KCNB2: variants seen among roughly 807,000 people sequenced by gnomAD.
KCNB2 encodes the protein delayed rectifier potassium channel protein.
A neutral mutation model predicts 61.5 loss-of-function variants in KCNB2; 15 were observed. The observed-to-expected ratio is 0.24, with a 90% confidence interval of 0.16 to 0.38. The LOEUF is 0.38. Ranked by LOEUF, KCNB2 falls within the 10% of genes least tolerant of loss-of-function variation. The pLI is 1.00. For synonymous variants in KCNB2, 457 were observed against 446.0 expected (o/e 1.02, Z -0.31); for missense variants, 828 against 1,125.2 (o/e 0.74, Z 3.78).
chr8:72,868,790 G>C (rs1013534453), intron 2 of KCNB2, among the ~76,000 whole-genome samples: 6 of 152,092 alleles, frequency 3.9e-5, no homozygotes, highest in Non-Finnish European at 7.4e-5. Flanking sequence ...ACTCAAAATA[G>C]AGAAAAATGG....
At chr8:72,678,564 C>T (rs1806701310) in intron 2 of KCNB2, among the ~76,000 whole-genome samples, 1 of 152,206 alleles carries the variant, frequency 6.6e-6, no homozygotes, top group African/African-American at 2.4e-5. Flanking sequence ...TGGCTCACTT[C>T]CTCATTCCCT....
At chr8:72,861,754 T>C (rs1805418668) in intron 2 of KCNB2, among the ~76,000 whole-genome samples, 1 of 152,156 alleles carries the variant, frequency 6.6e-6, no homozygotes, top group Admixed American at 6.5e-5. Context: ...ATTGATCTTG[T>C]TAAAATTAAT....
chr8:72,793,481 A>C (rs1203615556), intron 2 of KCNB2, among the ~76,000 whole-genome samples: 1 of 152,200 alleles, frequency 6.6e-6, no homozygotes, highest in African/African-American at 2.4e-5. Context: ...AATACCACGA[A>C]GGAAAGCAAG....
chr8:72,591,331 G>A (rs75605273), intron 2 of KCNB2, among the ~76,000 whole-genome samples: 1 of 152,050 alleles, frequency 6.6e-6, no homozygotes, highest in East Asian at 1.9e-4. Flanking sequence ...GCATCCAATA[G>A]GATATTAATT....
intron 2 of KCNB2, among the ~76,000 whole-genome samples, chr8:72,627,682 C>A (rs1805811165): frequency 6.6e-6 from 1 of 152,182 alleles, no homozygotes; most frequent in Non-Finnish European, 1.5e-5. Context: ...CCAGCTACCT[C>A]TGCTCACCAT....
At chr8:72,742,829 A>G (rs1270376589) in intron 2 of KCNB2, among the ~76,000 whole-genome samples, 1 of 152,162 alleles carries the variant, frequency 6.6e-6, no homozygotes, top group Non-Finnish European at 1.5e-5. Flanking sequence ...GACTTTACCC[A>G]TGACGTCTGA....
At chr8:72,561,731 A>ATATGTGTG (rs1806525887) in intron 1 of KCNB2, among the ~76,000 whole-genome samples, 4 of 21,358 alleles carry the variant, frequency 1.9e-4, no homozygotes, top group Admixed American at 7.3e-4. Context: ...ATATATATCT[A>ATATGTGTG]TATCTATATA....
chr8:72,641,770 GT>G (rs1317170003), intron 2 of KCNB2, among the ~76,000 whole-genome samples: 1 of 152,064 alleles, frequency 6.6e-6, no homozygotes, highest in Non-Finnish European at 1.5e-5. Flanking sequence ...AATGAATACA[GT>G]CATATTACCT....
At chr8:72,925,344 G>T (rs974380650) in intron 2 of KCNB2, among the ~76,000 whole-genome samples, 1 of 152,190 alleles carries the variant, frequency 6.6e-6, no homozygotes, top group Non-Finnish European at 1.5e-5. Context: ...TTCAACAAAT[G>T]AATATGCTTT....
intron 2 of KCNB2, among the ~76,000 whole-genome samples, chr8:72,927,334 G>A (rs1195102749): frequency 1.3e-5 from 2 of 151,362 alleles, no homozygotes; most frequent in Non-Finnish European, 1.5e-5. Flanking sequence ...GCAGTGGTGC[G>A]ATCTTGGCTC....
intron 1 of KCNB2, among the ~76,000 whole-genome samples, chr8:72,561,791 A>ATATATGTG (rs1563523702): frequency 1.3e-5 from 1 of 79,798 alleles, no homozygotes; most frequent in Non-Finnish European, 2.2e-5. Context: ...ATATATATAC[A>ATATATGTG]TATATATATA....
intron 2 of KCNB2, among the ~76,000 whole-genome samples, chr8:72,909,644 G>A (rs1461793264): frequency 6.6e-6 from 1 of 152,088 alleles, no homozygotes; most frequent in East Asian, 1.9e-4. Flanking sequence ...CAAGGTTTGG[G>A]CATGAATCTG....
At chr8:72,909,336 C>T (rs1415065357) in intron 2 of KCNB2, among the ~76,000 whole-genome samples, 1 of 151,878 alleles carries the variant, frequency 6.6e-6, no homozygotes. Context: ...GGCAAAGGGA[C>T]CAAAGTATGC....
chr8:72,793,669 C>T (rs1453229947), intron 2 of KCNB2, among the ~76,000 whole-genome samples: 1 of 152,084 alleles, frequency 6.6e-6, no homozygotes, highest in Admixed American at 6.5e-5. Context: ...ACAAAATGAC[C>T]CCTTAAATAA....
intron 1 of KCNB2, among the ~76,000 whole-genome samples, chr8:72,560,170 A>T (rs1050482771): frequency 1.3e-5 from 2 of 152,234 alleles, no homozygotes; most frequent in African/African-American, 4.8e-5. Context: ...AGCCCAACTG[A>T]GAAATAGTCC....
rs996460841 is a variant in KCNB2, at chr8:72,920,355, G to C, written c.580-15580G>C. On this transcript the variant is annotated intron_variant, in intron 2 of 2. Transcript: ENST00000523207. ...ATGTCCTGGCCAGGCACAGTGGCTC[G>C]TGCCTATAATCCCAGCACTTTGGGA... 4.5e-4 allele frequency among the ~76,000 whole-genome samples: 67 copies of C among 150,552 alleles called. 1 individual carries two copies. The highest frequency in any genetic ancestry group is 1.6e-3 in the African/African-American group (64 of 41,190).
intron 2 of KCNB2, among the ~76,000 whole-genome samples, chr8:72,862,653 T>C (rs1216122435): frequency 6.6e-6 from 1 of 152,228 alleles, no homozygotes; most frequent in African/African-American, 2.4e-5. Flanking sequence ...GATTCAATAA[T>C]AGCTGGCACT....
At chr8:72,798,963 G>A (rs1256894384) in intron 2 of KCNB2, among the ~76,000 whole-genome samples, 1 of 152,114 alleles carries the variant, frequency 6.6e-6, no homozygotes, top group African/African-American at 2.4e-5. Flanking sequence ...GCCTCTCCAG[G>A]ACCACATTTG....
intron 2 of KCNB2, among the ~76,000 whole-genome samples, chr8:72,627,363 T>G (rs1805806204): frequency 6.6e-6 from 1 of 152,126 alleles, no homozygotes; most frequent in Non-Finnish European, 1.5e-5. Flanking sequence ...AAATTTGATT[T>G]TTTTCTGTAT....
Sources: allele counts gnomAD v4.1 joint callset (sites outside exome capture counted in the v4.1 genomes callset), GRCh38; gene constraint gnomAD v4.1.1; transcripts MANE v1.5; gene names NCBI Gene and HGNC (gene_info 2026-07-23, HGNC 2026-07-21).